RBFOX1: variants seen among roughly 807,000 people sequenced by gnomAD.
RBFOX1 encodes RNA binding protein fox-1 homolog 1.
Under a neutral mutation model 57.7 loss-of-function variants are expected in RBFOX1, and 8 were observed. The observed-to-expected ratio is 0.14, with a 90% confidence interval of 0.08 to 0.25. RBFOX1 has a LOEUF of 0.25. Ranked by LOEUF, RBFOX1 falls within the 10% of genes least tolerant of loss-of-function variation. The pLI is 1.00. For missense variants in RBFOX1, 611 were observed against 548.5 expected, an observed-to-expected ratio of 1.11 and a Z score of -1.14; for synonymous variants, 326 against 222.4, an observed-to-expected ratio of 1.47 and a Z score of -4.15.
At chr16:6,103,466 A>C (rs2096339564) in intron 1 of RBFOX1, among the ~76,000 whole-genome samples, 1 of 152,178 alleles carries the variant, frequency 6.6e-6, no homozygotes, top group Admixed American at 6.5e-5. Context: ...CAGTCAGGCT[A>C]GGTTGATGCT....
At chr16:7,213,435 G>C (rs892298380) in intron 4 of RBFOX1, among the ~76,000 whole-genome samples, 1 of 152,144 alleles carries the variant, frequency 6.6e-6, no homozygotes, top group Non-Finnish European at 1.5e-5. Context: ...TGACATTAAA[G>C]ATTCACAAAA....
intron 3 of RBFOX1, among the ~76,000 whole-genome samples, chr16:6,945,873 A>G (rs1209538395): frequency 2.0e-5 from 3 of 152,188 alleles, no homozygotes; most frequent in African/African-American, 7.2e-5. Flanking sequence ...ACTGGGTGAC[A>G]GAGCAAGACT....
At chr16:5,972,063 C>A (rs1355442458) in intron 4 of RBFOX1, among the ~76,000 whole-genome samples, 1 of 152,206 alleles carries the variant, frequency 6.6e-6, no homozygotes, top group African/African-American at 2.4e-5. Flanking sequence ...GGGTCTGCAG[C>A]CTGCTGCCTT....
At chr16:6,706,782 T>C (rs1050287207) in intron 3 of RBFOX1, among the ~76,000 whole-genome samples, 2 of 149,634 alleles carry the variant, frequency 1.3e-5, no homozygotes, top group African/African-American at 4.9e-5. Context: ...AGAGCTGACA[T>C]ATTCTTAGGA....
intron 3 of RBFOX1, among the ~76,000 whole-genome samples, chr16:7,025,629 G>T (rs2040678695): frequency 6.6e-6 from 1 of 152,058 alleles, no homozygotes; most frequent in African/African-American, 2.4e-5. Flanking sequence ...GCATGTCCTG[G>T]GGGGGTTTTG....
intron 3 of RBFOX1, among the ~76,000 whole-genome samples, chr16:6,810,395 T>G (rs1487788764): frequency 6.6e-6 from 1 of 152,112 alleles, no homozygotes; most frequent in Non-Finnish European, 1.5e-5. Flanking sequence ...GCACATAAAC[T>G]AAGCGTGGAC....
chr16:6,870,498 G>T (rs1285284487), intron 3 of RBFOX1, among the ~76,000 whole-genome samples: 1 of 152,164 alleles, frequency 6.6e-6, no homozygotes, highest in Non-Finnish European at 1.5e-5. Context: ...AGAGCTTCAT[G>T]ATATTATTTG....
intron 3 of RBFOX1, among the ~76,000 whole-genome samples, chr16:6,991,919 G>A (rs1242249401): frequency 6.6e-6 from 1 of 152,180 alleles, no homozygotes; most frequent in African/African-American, 2.4e-5. Flanking sequence ...TACCCACAGA[G>A]TTTCTGATTC....
intron 4 of RBFOX1, among the ~76,000 whole-genome samples, chr16:7,194,231 G>A (rs1431393757): frequency 1.3e-5 from 2 of 152,164 alleles, no homozygotes; most frequent in African/African-American, 4.8e-5. Flanking sequence ...GTGTCTACAG[G>A]TAATGGTTGT....
At chr16:5,420,218 C>T (rs920417372) in intron 1 of RBFOX1, among the ~76,000 whole-genome samples, 1 of 152,156 alleles carries the variant, frequency 6.6e-6, no homozygotes, top group Non-Finnish European at 1.5e-5. Flanking sequence ...TAGATTTAAA[C>T]AAACAAGGTG....
chr16:5,591,793 C>A (rs193255010), intron 2 of RBFOX1, among the ~76,000 whole-genome samples: 24 of 152,228 alleles, frequency 1.6e-4, no homozygotes, highest in Admixed American at 9.8e-4. Context: ...TTATGTTGTT[C>A]CCAGTATTTT....
intron 4 of RBFOX1, among the ~76,000 whole-genome samples, chr16:7,321,831 G>C (rs1246443139): frequency 6.6e-6 from 1 of 152,196 alleles, no homozygotes; most frequent in Non-Finnish European, 1.5e-5. Context: ...AATCTGGGGA[G>C]TTGAAAATCC....
At chr16:6,271,796 G>T (rs2075249316) in intron 1 of RBFOX1, among the ~76,000 whole-genome samples, 1 of 152,078 alleles carries the variant, frequency 6.6e-6, no homozygotes, top group South Asian at 2.1e-4. Flanking sequence ...AAGAAATTGG[G>T]TTTTTAAGTT....
intron 4 of RBFOX1, among the ~76,000 whole-genome samples, chr16:7,115,254 G>T (rs1487021404): frequency 6.6e-6 from 1 of 152,098 alleles, no homozygotes; most frequent in Non-Finnish European, 1.5e-5. Context: ...GAATCTTGAT[G>T]GTGGCCTCCG....
At chr16:6,665,802 G>C (rs1213790425) in intron 3 of RBFOX1, among the ~76,000 whole-genome samples, 2 of 152,024 alleles carry the variant, frequency 1.3e-5, no homozygotes, top group African/African-American at 2.4e-5. Context: ...TGAATCCTTA[G>C]AAAGATCCTT....
intron 3 of RBFOX1, among the ~76,000 whole-genome samples, chr16:6,933,605 C>T (rs1377305199): frequency 2.0e-5 from 3 of 152,150 alleles, no homozygotes; most frequent in Admixed American, 1.3e-4. Context: ...CCCAGCTACT[C>T]CGGAGGCTGA....
chr16:7,578,381 C>G (rs562128612), intron 5 of RBFOX1, among the ~76,000 whole-genome samples: 69 of 152,314 alleles, frequency 4.5e-4, no homozygotes, highest in African/African-American at 1.5e-3. Context: ...TCTTTTGATA[C>G]CAGAGCATCT....
chr16:5,434,407 C>T (rs2067852555), intron 1 of RBFOX1, among the ~76,000 whole-genome samples: 1 of 146,338 alleles, frequency 6.8e-6, no homozygotes. Flanking sequence ...CTGCAACCTC[C>T]ACCTCCCAAG....
At chr16:6,741,602 G>A (rs1288629167) in intron 3 of RBFOX1, among the ~76,000 whole-genome samples, 1 of 151,646 alleles carries the variant, frequency 6.6e-6, no homozygotes, top group Non-Finnish European at 1.5e-5. Context: ...TGCGGAGGTG[G>A]AGGTTGCGGT....
Sources: gnomAD v4.1 joint callset for allele counts (sites outside exome capture counted in the v4.1 genomes callset) on GRCh38, gnomAD v4.1.1 for gene constraint, MANE v1.5 for transcripts, NCBI Gene and HGNC (gene_info 2026-07-23, HGNC 2026-07-21) for gene names.